Variants in CAMK2D observed in about 807,000 individuals in gnomAD.
CAMK2D encodes the protein calcium/calmodulin-dependent protein kinase type II subunit delta.
A neutral mutation model predicts 84.0 loss-of-function variants in CAMK2D; 37 were observed. The ratio of observed to expected loss-of-function variants is 0.44; its 90% CI spans 0.34 to 0.58. CAMK2D has a LOEUF of 0.58. Among genes scored for constraint, CAMK2D ranks in the 20% least tolerant of loss-of-function variants. The pLI, the probability that CAMK2D is intolerant of heterozygous loss-of-function variation, is 0.02. For missense variants in CAMK2D, 448 were observed against 652.5 expected (o/e 0.69, Z 3.41); for synonymous variants, 202 against 212.5 (o/e 0.95, Z 0.43).
intron 2 of CAMK2D, chr4:113,677,612 A>C: frequency 1.2e-6 from 1 of 850,468 alleles, no homozygotes. Flanking sequence ...ATACCATCTA[A>C]ATAAGAAGGC....
intron 2 of CAMK2D, among the ~76,000 whole-genome samples, chr4:113,758,015 T>A (rs1036322593): frequency 3.3e-5 from 5 of 152,160 alleles, no homozygotes; most frequent in African/African-American, 1.2e-4. Context: ...CAGCCAAAAG[T>A]ATCTAGCACA....
At chr4:113,703,345 GGGTCTTGC>G (rs2099428755) in intron 2 of CAMK2D, among the ~76,000 whole-genome samples, 1 of 152,184 alleles carries the variant, frequency 6.6e-6, no homozygotes, top group South Asian at 2.1e-4. Context: ...TCTTAAGACA[GGGTCTTGC>G]TCTGATGTCC....
In CAMK2D at chr4:113,761,590, G is replaced by C; in HGVS notation, c.-522C>G. The C allele has an allele frequency of 1.0e-6, 1 of 985,120 alleles. No homozygotes were observed. The highest frequency in any genetic ancestry group is 1.2e-6 in the Non-Finnish European group (1 of 829,784). 61.0% of individuals were successfully genotyped at this position (985,120 alleles called of 1,614,324 possible). A position where few individuals can be genotyped will look rare whatever the true frequency, so the allele number is the denominator to read the frequency against. Reference sequence around the variant, plus strand: ...GCGGCCGCTGTCAGCAGGCTCAGGCGCGGGGCGCGCCGGGGCTCCGACGAG... The same window carrying C: ...GCGGCCGCTGTCAGCAGGCTCAGGCCCGGGGCGCGCCGGGGCTCCGACGAG... On this transcript the variant is annotated 5_prime_UTR_variant, in exon 1 of 21. Coordinates refer to ENST00000511664, the MANE Select transcript of CAMK2D (RefSeq NM_001321571.2).
intron 2 of CAMK2D, among the ~76,000 whole-genome samples, chr4:113,731,585 C>CAT: frequency 7.8e-6 from 1 of 127,748 alleles, no homozygotes; most frequent in Non-Finnish European, 1.7e-5. Context: ...AGGGTTATTG[C>CAT]TTTTTTTTTT....
intron 16 of CAMK2D, among the ~76,000 whole-genome samples, chr4:113,499,639 C>T (rs1464324529): frequency 6.6e-6 from 1 of 152,090 alleles, no homozygotes; most frequent in East Asian, 1.9e-4. Context: ...GATCATTGCT[C>T]CCAATTTATA....
intron 3 of CAMK2D, among the ~76,000 whole-genome samples, chr4:113,622,479 A>T (rs2099050216): frequency 6.6e-6 from 1 of 152,156 alleles, no homozygotes; most frequent in African/African-American, 2.4e-5. Flanking sequence ...GAAAAAAATA[A>T]TATAGCTGGG....
At chr4:113,712,036 A>AAT (rs2099494712) in intron 2 of CAMK2D, among the ~76,000 whole-genome samples, 1 of 152,112 alleles carries the variant, frequency 6.6e-6, no homozygotes, top group Non-Finnish European at 1.5e-5. Flanking sequence ...CACCACTCCA[A>AAT]TGAACAAGCC....
chr4:113,634,461 T>C, intron 3 of CAMK2D, among the ~76,000 whole-genome samples: 1 of 152,094 alleles, frequency 6.6e-6, no homozygotes, highest in East Asian at 1.9e-4. Context: ...GAGAGAAAAG[T>C]AGGTAAGAAA....
chr4:113,567,780 T>G (rs371896151), intron 4 of CAMK2D, among the ~76,000 whole-genome samples: 10 of 152,186 alleles, frequency 6.6e-5, no homozygotes, highest in African/African-American at 2.4e-4. Context: ...AACAAGTATC[T>G]AATAGTATTG....
chr4:113,465,595 T>A lies in CAMK2D; in HGVS notation c.1145A>T (p.Gln382Leu), dbSNP rs2097449263. The change falls in exon 17 of 21, where the codon CAA becomes CTA. Residue 382 changes from glutamine to leucine, a missense_variant. By Grantham distance (113) the Gln-to-Leu change is moderately radical (BLOSUM62 -2). Around this residue, in one of 7 missense-constraint regions of CAMK2D, gnomAD observed 219 missense variants for 272.1 expected, o/e 0.80. Coordinates refer to ENST00000511664, the MANE Select transcript of CAMK2D (RefSeq NM_001321571.2). Reference protein sequence around the residue: ...IEDEDVKARKQEIIKVTEQLI... With the variant: ...IEDEDVKARKLEIIKVTEQLI... Reference sequence around the variant, plus strand: ...TTGTTCAGTGACTTTGATAATCTCTTGCTTTCGTGCTAAAGGCAAAAATAT... The same window carrying A: ...TTGTTCAGTGACTTTGATAATCTCTAGCTTTCGTGCTAAAGGCAAAAATAT... The A allele has an allele frequency of 5.0e-6, 8 of 1,609,834 alleles. No individual in the cohort carries two copies. The highest frequency in any genetic ancestry group is 6.8e-6 in the Non-Finnish European group (8 of 1,176,284).
At chr4:113,654,058 T>C (rs1364955728) in intron 3 of CAMK2D, among the ~76,000 whole-genome samples, 1 of 151,970 alleles carries the variant, frequency 6.6e-6, no homozygotes, top group African/African-American at 2.4e-5. Context: ...TGACATCATA[T>C]CTCCAAAGTC....
chr4:113,756,796 A>G (rs1431278300), intron 2 of CAMK2D, among the ~76,000 whole-genome samples: 1 of 152,094 alleles, frequency 6.6e-6, no homozygotes, highest in Non-Finnish European at 1.5e-5. Flanking sequence ...TGTATCAAAA[A>G]ATGAAAGCAT....
chr4:113,534,805 A>T (rs910303985), intron 7 of CAMK2D, among the ~76,000 whole-genome samples: 12 of 152,206 alleles, frequency 7.9e-5, no homozygotes, highest in Admixed American at 2.0e-4. Context: ...AGTGTTTATT[A>T]TCCCATTTAC....
chr4:113,496,548 A>AAG (rs2097935563), intron 16 of CAMK2D, among the ~76,000 whole-genome samples: 2 of 151,404 alleles, frequency 1.3e-5, no homozygotes, highest in Non-Finnish European at 2.9e-5. Flanking sequence ...CACCGGGTTC[A>AAG]AGTGATTCTC....
intron 7 of CAMK2D, among the ~76,000 whole-genome samples, chr4:113,533,301 G>A (rs1422819415): frequency 2.6e-5 from 4 of 152,046 alleles, no homozygotes; most frequent in Non-Finnish European, 5.9e-5. Context: ...ATGCATGGAC[G>A]TTAGGAAAGA....
intron 2 of CAMK2D, among the ~76,000 whole-genome samples, chr4:113,717,105 A>G (rs1001580619): frequency 6.6e-6 from 1 of 152,186 alleles, no homozygotes; most frequent in African/African-American, 2.4e-5. Flanking sequence ...TTTGCTAAAT[A>G]AGCCACTGGG....
intron 2 of CAMK2D, among the ~76,000 whole-genome samples, chr4:113,671,827 G>A (rs573728991): frequency 6.6e-6 from 1 of 152,290 alleles, no homozygotes; most frequent in East Asian, 1.9e-4. Flanking sequence ...GTGAACAAAG[G>A]AGGAGGAAAA....
Position 113,505,004 on chromosome 4 carries a change from G to T in CAMK2D, c.1016C>A (p.Pro339His). The part of the protein sequence containing the change: ...INNKANVVTS[P>H]KENIPTPALE... Reference sequence around the variant, plus strand: ...CGCTGGGGTAGGAATATTTTCTTTGGGGCTGGTTACCACGTTGGCTTTGTT... The same window carrying T: ...CGCTGGGGTAGGAATATTTTCTTTGTGGCTGGTTACCACGTTGGCTTTGTT... Residue 339 changes from proline to histidine, a missense_variant, in exon 14 of 21, where the codon CCC (proline) becomes CAC (histidine). By Grantham distance (77) the Pro-to-His change is moderately conservative. Coordinates refer to ENST00000511664, the MANE Select transcript of CAMK2D (RefSeq NM_001321571.2). 6.3e-7 allele frequency: 1 copy of T among 1,583,076 alleles called. No homozygotes were observed. Among genetic ancestry groups the T allele is most frequent in the Non-Finnish European group, 8.5e-7 (1 of 1,172,018 alleles).
intron 2 of CAMK2D, chr4:113,753,808 G>GGGCCCC: frequency 2.1e-6 from 1 of 484,328 alleles, no homozygotes. Context: ...GGCGGGGGTG[G>GGGCCCC]TACTTAAGCC....
Sources: allele counts gnomAD v4.1 joint callset (sites outside exome capture counted in the v4.1 genomes callset), GRCh38; gene constraint gnomAD v4.1.1; regional missense constraint gnomAD v4.1.1; transcripts MANE v1.5; gene names NCBI Gene and HGNC (gene_info 2026-07-23, HGNC 2026-07-21).